The following MBTD1 variants were observed in gnomAD, a reference collection of about 807,000 sequenced individuals.
The protein encoded by MBTD1 is MBT domain-containing protein 1.
Under a neutral mutation model 87.8 loss-of-function variants are expected in MBTD1, and 24 were observed. The observed-to-expected ratio is 0.27, with a 90% CI of 0.20 to 0.38. The LOEUF is 0.38. Ranked by LOEUF, MBTD1 falls within the 10% of genes least tolerant of loss-of-function variation. The pLI is 1.00. For synonymous variants in MBTD1, 237 were observed against 248.6 expected (o/e 0.95, Z 0.44); for missense variants, 436 against 760.2 (o/e 0.57, Z 5.02).
chr17:51,208,183 C>G (rs1222452410), intron 6 of MBTD1, among the ~76,000 whole-genome samples: 1 of 152,174 alleles, frequency 6.6e-6, no homozygotes, highest in Admixed American at 6.5e-5. Context: ...TCTGGAATTT[C>G]TGAAGGAGAG....
At chr17:51,250,447 T>C (rs1478180112) in intron 2 of MBTD1, 1 of 152,182 alleles carries the variant, frequency 6.6e-6, no homozygotes, top group African/African-American at 2.4e-5. Flanking sequence ...CAGTATTCCC[T>C]GAGTTCCTGC....
upstream of MBTD1, chr17:51,260,899 G>T: frequency 1.3e-6 from 2 of 1,594,484 alleles, no homozygotes; most frequent in Non-Finnish European, 1.7e-6. Flanking sequence ...ACGAGGACGC[G>T]TTGCTGCGGC....
intron 2 of MBTD1, among the ~76,000 whole-genome samples, chr17:51,248,056 T>C (rs1296611226): frequency 6.6e-6 from 1 of 152,238 alleles, no homozygotes; most frequent in Non-Finnish European, 1.5e-5. Flanking sequence ...CAATTTCCTC[T>C]GTATCCAATG....
Position 51,195,306 on chromosome 17 carries a change from C to A in MBTD1, c.1280G>T (p.Gly427Val), listed in dbSNP as rs1001659600. ...IGIDGSEAAD[G>V]SDWFCYHATS... ...TGCATGGTAACAGAACCAGTCAGAT[C>A]CGTCTGCTGCTTCTGAGCCATCGAT... Residue 427 changes from glycine (G) to valine (V), a missense_variant, in exon 13 of 17, where the codon GGA becomes GTA. Physicochemically the swap from Gly to Val is moderately radical, Grantham distance 109. This residue lies in a region of MBTD1 where 268 missense variants were observed against 401.8 expected (regional missense o/e 0.67). Transcript: ENST00000586178. 1 of 1,612,414 alleles carries A rather than the reference C, an allele frequency of 6.2e-7. No individual in the cohort carries two copies. The highest frequency in any genetic ancestry group is 8.5e-7 in the Non-Finnish European group (1 of 1,179,126).
At chr17:51,214,236 G>A (rs928362471) in intron 6 of MBTD1, among the ~76,000 whole-genome samples, 1 of 151,996 alleles carries the variant, frequency 6.6e-6, no homozygotes, top group East Asian at 1.9e-4. Flanking sequence ...CAAAGTGTTG[G>A]GATTACAGGT....
At position 51,247,075 on chromosome 17, in the gene MBTD1, A is replaced by G. The variant is rs575114967; in HGVS notation, c.-49+12068T>C. On this transcript the variant is annotated intron_variant, in intron 2 of 16. Transcript: ENST00000586178. The stretch of plus-strand genomic sequence containing the variant: ...TCTGGCTTTAGGGTTAAGGCTATGT[A>G]CATGTGCATATGTGTGTATTCATAA... Among the ~76,000 whole-genome samples, 3 of 152,348 alleles carry G rather than the reference A, an allele frequency of 2.0e-5. 1 individual carries two copies. Among genetic ancestry groups the G allele is most frequent in the Admixed American group, 2.0e-4 (3 of 15,302 alleles).
chr17:51,185,619 G>C (rs2050500921), intron 16 of MBTD1: 1 of 152,072 alleles, frequency 6.6e-6, no homozygotes, highest in Admixed American at 6.5e-5. Context: ...CCATGAATGA[G>C]ATACTATGAA....
chr17:51,213,788 A>T (rs1168519528), intron 6 of MBTD1, among the ~76,000 whole-genome samples: 2 of 152,206 alleles, frequency 1.3e-5, no homozygotes, highest in African/African-American at 4.8e-5. Flanking sequence ...AAATGTCAGG[A>T]GCCAAGGCTC....
chr17:51,250,623 C>G (rs2054724358), intron 2 of MBTD1: 1 of 152,188 alleles, frequency 6.6e-6, no homozygotes. Flanking sequence ...TATGTCACGT[C>G]TTTGCCTGGA....
chr17:51,204,470 TTATA>T, intron 7 of MBTD1, among the ~76,000 whole-genome samples: 1 of 140,472 alleles, frequency 7.1e-6, no homozygotes, highest in South Asian at 2.2e-4. Flanking sequence ...AAAATACATA[TTATA>T]TATTTATTTA....
Position 51,195,317 on chromosome 17 carries a change from T to C in MBTD1, c.1269A>G (p.Glu423=). Residue 423 remains glutamate, a synonymous_variant, in exon 13 of 17, where the codon GAA becomes GAG. Transcript: ENST00000586178. ...AGAACCAGTCAGATCCGTCTGCTGCTTCTGAGCCATCGATCCCAATCATCA... is the reference window on the plus strand; with the variant it reads ...AGAACCAGTCAGATCCGTCTGCTGCCTCTGAGCCATCGATCCCAATCATCA... ...GFLMIGIDGS[E]AADGSDWFCY... is the part of the protein sequence containing the mutation. The C allele has an allele frequency of 6.2e-7, 1 of 1,612,172 alleles. No individual in the cohort carries two copies. The highest frequency in any genetic ancestry group is 2.2e-5 in the East Asian group (1 of 44,792).
At chr17:51,229,609 G>A (rs1191063332) in intron 2 of MBTD1, among the ~76,000 whole-genome samples, 3 of 151,252 alleles carry the variant, frequency 2.0e-5, no homozygotes, top group Non-Finnish European at 4.4e-5. Context: ...CCCTTGGGAG[G>A]TTATATACAC....
At chr17:51,199,021 C>G (rs963276339) in intron 12 of MBTD1, among the ~76,000 whole-genome samples, 3 of 152,180 alleles carry the variant, frequency 2.0e-5, no homozygotes, top group Non-Finnish European at 4.4e-5. Context: ...GTCTTGAACT[C>G]CTGACCTCAA....
At chr17:51,204,009 AGT>A in intron 7 of MBTD1, 84 bp from the exon 8 acceptor site, 1 of 1,069,038 alleles carries the variant, frequency 9.4e-7, no homozygotes. Context: ...TTGTCAAACT[AGT>A]GTCTATCTGC....
rs564806291 is a variant in MBTD1 at position 51,249,122 on chromosome 17, T to C, written c.-49+10021A>G. Among the ~76,000 whole-genome samples the C allele has an allele frequency of 2.0e-5, 3 of 148,502 alleles. No homozygotes were observed. In the East Asian group the frequency reaches 5.9e-4, roughly 29 times the overall value. ...AAAAAAAAAAAAAATTAGCTGGGCA[T>C]GGTGGTGTGCACCTGTGGTCTCAGC... On this transcript the variant is annotated intron_variant, in intron 2 of 16. Coordinates refer to ENST00000586178, the MANE Select transcript of MBTD1 (RefSeq NM_017643.3).
At chr17:51,215,542 C>T (rs1568189096) in intron 6 of MBTD1, among the ~76,000 whole-genome samples, 1 of 152,126 alleles carries the variant, frequency 6.6e-6, no homozygotes, top group African/African-American at 2.4e-5. Flanking sequence ...GAAAGAGTTA[C>T]TGTAACTGAG....
chr17:51,242,537 C>A (rs1256896177), intron 2 of MBTD1, among the ~76,000 whole-genome samples: 1 of 152,158 alleles, frequency 6.6e-6, no homozygotes, highest in Non-Finnish European at 1.5e-5. Flanking sequence ...GTGGTTGTTA[C>A]TGATTTGAAA....
chr17:51,195,522 G>GA (rs1019741037), intron 12 of MBTD1, among the ~76,000 whole-genome samples, 161 bp from the exon 13 acceptor site: 9 of 152,110 alleles, frequency 5.9e-5, no homozygotes, highest in African/African-American at 1.9e-4. Context: ...AAGTTCTAAT[G>GA]AAAAAAATCT....
At chr17:51,209,978 A>C (rs565355004) in intron 6 of MBTD1, among the ~76,000 whole-genome samples, 2 of 152,068 alleles carry the variant, frequency 1.3e-5, no homozygotes, top group East Asian at 3.9e-4. Context: ...GAAAAGAAAA[A>C]CTGTTCCTGC....
Sources: allele counts gnomAD v4.1 joint callset (sites outside exome capture counted in the v4.1 genomes callset), GRCh38; gene constraint gnomAD v4.1.1; regional missense constraint gnomAD v4.1.1; transcripts MANE v1.5; gene names NCBI Gene and HGNC (gene_info 2026-07-23, HGNC 2026-07-21).